The following ANK2 variants were observed in gnomAD, a reference collection of about 807,000 sequenced individuals.
ANK2 encodes ankyrin-2.
Under a neutral mutation model 360.5 loss-of-function variants are expected in ANK2, and 83 were observed. The ratio of observed to expected loss-of-function variants is 0.23; its 90% CI spans 0.19 to 0.28. The LOEUF (loss-of-function observed/expected upper bound fraction) is 0.28, where lower values mean the gene tolerates loss of function less well. Among genes scored for constraint, ANK2 ranks in the 10% least tolerant of loss-of-function variants. The pLI, the probability that ANK2 is intolerant of heterozygous loss-of-function variation, is 1.00. For synonymous variants in ANK2, 1,740 were observed against 1,759.5 expected, an observed-to-expected ratio of 0.99 and a Z score of 0.28; for missense variants, 4,201 against 4,795.7, an observed-to-expected ratio of 0.88 and a Z score of 3.66.
chr4:112,988,858 A>G (rs7664151), intron 2 of ANK2, among the ~76,000 whole-genome samples: 42,154 of 150,118 alleles, frequency 0.28, 6,281 homozygotes, highest in East Asian at 0.44. Flanking sequence ...TTTTAACCAG[A>G]GCTCAATATG....
intron 1 of ANK2, among the ~76,000 whole-genome samples, chr4:112,863,006 A>C (rs1042650299): frequency 1.3e-5 from 2 of 152,218 alleles, no homozygotes; most frequent in Non-Finnish European, 2.9e-5. Flanking sequence ...GTGATGAAGT[A>C]AAGTATTTGA....
intron 2 of ANK2, among the ~76,000 whole-genome samples, chr4:112,976,717 T>C (rs539697031): frequency 6.6e-6 from 1 of 152,168 alleles, no homozygotes; most frequent in South Asian, 2.1e-4. Context: ...GGTTTGCACT[T>C]TTTTTTCCCC....
chr4:113,149,831 C>T (rs963793153), intron 1 of ANK2, among the ~76,000 whole-genome samples: 2 of 125,244 alleles, frequency 1.6e-5, no homozygotes, highest in Admixed American at 9.8e-5. Context: ...GAACTTTGAT[C>T]GTACCACTGC....
intron 1 of ANK2, among the ~76,000 whole-genome samples, chr4:113,097,862 G>GTATATA (rs1212680888): frequency 8.2e-4 from 80 of 97,636 alleles, no homozygotes; most frequent in African/African-American, 3.6e-3. Flanking sequence ...GTGTGTGTGT[G>GTATATA]TGTGTATATA....
chr4:113,253,993 T>C (rs2047927334), intron 10 of ANK2, among the ~76,000 whole-genome samples: 1 of 152,210 alleles, frequency 6.6e-6, no homozygotes, highest in Non-Finnish European at 1.5e-5. Flanking sequence ...ATATCGATCA[T>C]GCCCGTTATA....
At chr4:113,024,894 A>T (rs1056644293) in intron 2 of ANK2, among the ~76,000 whole-genome samples, 1 of 152,160 alleles carries the variant, frequency 6.6e-6, no homozygotes, top group African/African-American at 2.4e-5. Flanking sequence ...CTTTTAGATA[A>T]ATAAAAAGAA....
At chr4:112,777,118 G>T in the ANK2 span, among the ~76,000 whole-genome samples, 1 of 152,110 alleles carries the variant, frequency 6.6e-6, no homozygotes, top group African/African-American at 2.4e-5. Context: ...TAGTTAAATT[G>T]TTTCCATACA....
intron 41 of ANK2, among the ~76,000 whole-genome samples, chr4:113,367,242 A>G (rs142426718): frequency 6.6e-6 from 1 of 152,202 alleles, no homozygotes; most frequent in Non-Finnish European, 1.5e-5. Context: ...CCCACTTGCC[A>G]TTAGGTCTCC....
chr4:113,272,482 C>T (rs2058915090), intron 14 of ANK2, among the ~76,000 whole-genome samples: 1 of 152,174 alleles, frequency 6.6e-6, no homozygotes, highest in African/African-American at 2.4e-5. Flanking sequence ...AAATAATTGG[C>T]CAAACCTCAA....
chr4:113,364,888 T>C, intron 40 of ANK2, 151 bp from the exon 41 acceptor site: 1 of 1,002,006 alleles, frequency 1.0e-6, no homozygotes, highest in South Asian at 1.5e-5. Flanking sequence ...ATATCTCTTT[T>C]GTCTGTTGGC....
intron 2 of ANK2, among the ~76,000 whole-genome samples, chr4:112,961,706 A>C (rs989721661): frequency 6.6e-6 from 1 of 152,118 alleles, no homozygotes; most frequent in Non-Finnish European, 1.5e-5. Flanking sequence ...TTTAGTTAGC[A>C]GTTTTCTCTC....
rs2095587012 is a variant in ANK2, at chr4:113,354,125, C to G, written c.5507C>G (p.Ser1836Cys). 6.2e-7 allele frequency: 1 copy of G among 1,613,992 alleles called. No homozygotes were observed. Among genetic ancestry groups the G allele is most frequent in the Non-Finnish European group, 8.5e-7 (1 of 1,179,994 alleles). The change falls in exon 38 of 46, where the codon TCC becomes TGC. Residue 1836 changes from serine (S) to cysteine (C), a missense_variant. Coordinates refer to ENST00000357077, the MANE Select transcript of ANK2 (RefSeq NM_001148.6). ...GAAAGACACTCTACTCTTTCCTCTT[C>G]CGCAAAAACTGAAAGGCACCCTCCA... ...KTERHSTLSSSAKTERHPPVS... is the reference protein window; with the variant it reads ...KTERHSTLSSCAKTERHPPVS...
chr4:112,811,640 A>G, the ANK2 span, among the ~76,000 whole-genome samples: 1 of 152,154 alleles, frequency 6.6e-6, no homozygotes, highest in Non-Finnish European at 1.5e-5. Flanking sequence ...CTTATACTCA[A>G]TGCTGTTGGC....
At chr4:112,743,891 C>T in the ANK2 span, among the ~76,000 whole-genome samples, 197 of 151,296 alleles carry the variant, frequency 1.3e-3, 5 homozygotes, top group East Asian at 0.032. Context: ...ACTGCAGTGG[C>T]GGATCCAGCT....
chr4:112,824,821 T>C (rs1171881858), intron 1 of ANK2, among the ~76,000 whole-genome samples: 1 of 152,136 alleles, frequency 6.6e-6, no homozygotes, highest in Non-Finnish European at 1.5e-5. Context: ...TTTTTATTCT[T>C]TGTTTTGAGC....
At chr4:112,965,316 A>G (rs1265925649) in intron 2 of ANK2, among the ~76,000 whole-genome samples, 2 of 152,064 alleles carry the variant, frequency 1.3e-5, no homozygotes, top group East Asian at 1.9e-4. Context: ...AGAAATGTCT[A>G]TTCAATTATT....
Position 112,876,288 on chromosome 4 carries a change from C to T in ANK2, c.-39-28167C>T, listed in dbSNP as rs978020743. On this transcript the variant is annotated intron_variant, in intron 1 of 30. Coordinates refer to the ANK2 transcript ENST00000503271. The stretch of plus-strand genomic sequence containing the variant: ...TAGGAAATCCTGCTTGGGATTTCTA[C>T]GTACTTTAAAATGTTAATTTAAATC... 5.9e-5 allele frequency among the ~76,000 whole-genome samples: 9 copies of T among 152,170 alleles called. No individual in the cohort carries two copies. In the East Asian group the frequency reaches 1.2e-3, roughly 20 times the overall value.
intron 9 of ANK2, among the ~76,000 whole-genome samples, chr4:113,244,700 G>A (rs1309003439): frequency 6.6e-6 from 1 of 152,080 alleles, no homozygotes; most frequent in African/African-American, 2.4e-5. Context: ...CACGTGCCAT[G>A]GTGGTTTGCT....
At chr4:113,366,629 A>C (rs2096548909) in intron 41 of ANK2, among the ~76,000 whole-genome samples, 1 of 150,702 alleles carries the variant, frequency 6.6e-6, no homozygotes, top group South Asian at 2.1e-4. Flanking sequence ...TGCTCCCTCC[A>C]CCCTAGCATG....
Sources: allele counts gnomAD v4.1 joint callset (sites outside exome capture counted in the v4.1 genomes callset), GRCh38; gene constraint gnomAD v4.1.1; transcripts MANE v1.5; gene names NCBI Gene and HGNC (gene_info 2026-07-23, HGNC 2026-07-21).